The following ARHGEF3 variants were observed in gnomAD, a reference collection of about 807,000 sequenced individuals.
ARHGEF3 encodes 59.8 kDA protein.
A neutral mutation model predicts 63.2 loss-of-function variants in ARHGEF3; 28 were observed. The observed-to-expected ratio is 0.44, with a 90% CI of 0.33 to 0.61. The LOEUF (loss-of-function observed/expected upper bound fraction) is 0.61. ARHGEF3 is among the 20% of genes least tolerant of loss of function. The probability of loss-of-function intolerance (pLI) is 0.03; values close to 1 mark genes in which losing one functional copy is unlikely to be tolerated. For synonymous variants in ARHGEF3, 266 were observed against 254.2 expected, an observed-to-expected ratio of 1.05 and a Z score of -0.44; for missense variants, 533 against 659.3, an observed-to-expected ratio of 0.81 and a Z score of 2.10.
intron 2 of ARHGEF3, among the ~76,000 whole-genome samples, chr3:56,987,971 T>C (rs1701607402): frequency 6.6e-6 from 1 of 152,174 alleles, no homozygotes; most frequent in South Asian, 2.1e-4. Context: ...ACTCCACAAA[T>C]GGGTGACAGA....
At chr3:56,951,276 A>T (rs1210894741) in intron 3 of ARHGEF3, among the ~76,000 whole-genome samples, 1 of 145,136 alleles carries the variant, frequency 6.9e-6, no homozygotes, top group African/African-American at 2.5e-5. Flanking sequence ...CTTAAAGTAT[A>T]AAAAAAAAAA....
At chr3:56,774,445 T>C (rs903400118) in intron 1 of ARHGEF3, among the ~76,000 whole-genome samples, 1 of 152,182 alleles carries the variant, frequency 6.6e-6, no homozygotes, top group Non-Finnish European at 1.5e-5. Flanking sequence ...GAAAAAGCCC[T>C]ACCACGGACA....
intron 7 of ARHGEF3, among the ~76,000 whole-genome samples, chr3:56,741,184 C>CT (rs10662620): frequency 0.016 from 2,073 of 128,840 alleles, 88 homozygotes; most frequent in African/African-American, 0.05. Flanking sequence ...TGCTTTGGTT[C>CT]TTTTTTTTTT....
intron 2 of ARHGEF3, among the ~76,000 whole-genome samples, chr3:56,981,796 T>C (rs1275987292): frequency 6.6e-6 from 1 of 152,182 alleles, no homozygotes; most frequent in Non-Finnish European, 1.5e-5. Context: ...CAGCCCTTCC[T>C]GCTTCCTTAA....
At chr3:57,078,954 G>A in intron 1 of ARHGEF3, 2 of 316,908 alleles carry the variant, frequency 6.3e-6, no homozygotes, top group East Asian at 4.7e-5. Flanking sequence ...GCTGGCGGTG[G>A]CACTGCCCAC....
intron 3 of ARHGEF3, among the ~76,000 whole-genome samples, chr3:56,931,994 A>G (rs2042424364): frequency 6.6e-6 from 1 of 152,126 alleles, no homozygotes; most frequent in Non-Finnish European, 1.5e-5. Flanking sequence ...AGAAGACAAA[A>G]TTCCTCCAAG....
intron 4 of ARHGEF3, among the ~76,000 whole-genome samples, chr3:56,866,443 C>G (rs1320587699): frequency 6.6e-6 from 1 of 152,206 alleles, no homozygotes; most frequent in African/African-American, 2.4e-5. Context: ...GCTCCACTCA[C>G]CCTGGACAGA....
chr3:57,059,843 A>C (rs1440451757), intron 1 of ARHGEF3, among the ~76,000 whole-genome samples: 2 of 151,876 alleles, frequency 1.3e-5, no homozygotes, highest in Non-Finnish European at 2.9e-5. Flanking sequence ...CTAAAAATAC[A>C]AAAGTAGCCA....
intron 4 of ARHGEF3, among the ~76,000 whole-genome samples, chr3:56,839,890 G>T (rs1404732863): frequency 1.3e-5 from 2 of 152,174 alleles, no homozygotes; most frequent in Non-Finnish European, 2.9e-5. Flanking sequence ...ATCTGGGAAA[G>T]AAAGTGGTAC....
intron 2 of ARHGEF3, among the ~76,000 whole-genome samples, chr3:56,767,708 A>G (rs2107816640): frequency 6.6e-6 from 1 of 151,438 alleles, no homozygotes; most frequent in Admixed American, 6.6e-5. Flanking sequence ...AGTGACTTTT[A>G]TTCTCTTTTA....
chr3:56,930,528 C>T (rs1191128725), intron 3 of ARHGEF3, among the ~76,000 whole-genome samples: 4 of 152,098 alleles, frequency 2.6e-5, no homozygotes, highest in African/African-American at 4.8e-5. Flanking sequence ...AGATTTTTGA[C>T]GAGAACTACC....
intron 4 of ARHGEF3, among the ~76,000 whole-genome samples, chr3:56,848,461 T>C (rs993009625): frequency 6.6e-6 from 1 of 152,152 alleles, no homozygotes; most frequent in Non-Finnish European, 1.5e-5. Flanking sequence ...TAGAGGGCTT[T>C]TTGGGACATG....
At chr3:56,829,608 C>T (rs1253005563) in intron 4 of ARHGEF3, among the ~76,000 whole-genome samples, 2 of 152,206 alleles carry the variant, frequency 1.3e-5, no homozygotes, top group Non-Finnish European at 2.9e-5. Context: ...CCCCCACAGA[C>T]AGAGCTATCT....
chr3:57,068,187 A>ACACC (rs1454425658), intron 1 of ARHGEF3, among the ~76,000 whole-genome samples: 2 of 151,478 alleles, frequency 1.3e-5, no homozygotes, highest in Non-Finnish European at 2.9e-5. Context: ...ACACACACAC[A>ACACC]CACCAGGTTA....
At chr3:56,947,912 A>C (rs1699599430) in intron 3 of ARHGEF3, among the ~76,000 whole-genome samples, 1 of 152,210 alleles carries the variant, frequency 6.6e-6, no homozygotes, top group African/African-American at 2.4e-5. Flanking sequence ...AAAGAACAGA[A>C]GTTATAACAA....
At chr3:56,758,435 A>T (rs1331070232) in intron 2 of ARHGEF3, among the ~76,000 whole-genome samples, 2 of 151,918 alleles carry the variant, frequency 1.3e-5, no homozygotes, top group South Asian at 2.1e-4. Flanking sequence ...GTTCTAAATT[A>T]AAAAAATATA....
At chr3:57,016,977 G>A (rs1703032746) in intron 2 of ARHGEF3, among the ~76,000 whole-genome samples, 2 of 150,744 alleles carry the variant, frequency 1.3e-5, no homozygotes, top group Admixed American at 1.3e-4. Flanking sequence ...GAGGCCTGGT[G>A]GGGGAGAGAG....
intron 3 of ARHGEF3, among the ~76,000 whole-genome samples, chr3:56,917,947 T>C (rs959219165): frequency 6.6e-6 from 1 of 152,176 alleles, no homozygotes; most frequent in Non-Finnish European, 1.5e-5. Context: ...CACTCGGTAA[T>C]GAGTGTCAGA....
intron 1 of ARHGEF3, among the ~76,000 whole-genome samples, chr3:57,042,647 CATAAATATATATATATATATATATAT>C (rs1704235053): frequency 1.2e-5 from 1 of 82,766 alleles, no homozygotes; most frequent in Non-Finnish European, 2.3e-5. Context: ...ACTGTATGTA[CATAAATATATATATATATATATATAT>C]ATATATATAT....
Sources: allele counts gnomAD v4.1 joint callset (sites outside exome capture counted in the v4.1 genomes callset), GRCh38; gene constraint gnomAD v4.1.1; transcripts MANE v1.5; gene names NCBI Gene and HGNC (gene_info 2026-07-23, HGNC 2026-07-21).